Variants in ADPRM observed in about 807,000 individuals in gnomAD.
The protein encoded by ADPRM is ADP-ribose/CDP-alcohol diphosphatase, manganese dependent, also known as manganese-dependent ADP-ribose/CDP-alcohol diphosphatase.
Under a neutral mutation model 27.2 loss-of-function variants are expected in ADPRM, and 17 were observed. The observed-to-expected ratio is 0.63, with a 90% CI of 0.43 to 0.94. The LOEUF (loss-of-function observed/expected upper bound fraction) is 0.94. ADPRM is among the 40% of genes least tolerant of loss of function. The pLI, the probability that ADPRM is intolerant of heterozygous loss-of-function variation, is 0.00. For synonymous variants in ADPRM, 135 were observed against 145.3 expected (o/e 0.93, Z 0.51); for missense variants, 337 against 412.8 (o/e 0.82, Z 1.59).
At chr17:10,709,244 T>C (rs575662022) in intron 3 of ADPRM, among the ~76,000 whole-genome samples, 39 of 152,242 alleles carry the variant, frequency 2.6e-4, no homozygotes, top group African/African-American at 8.7e-4. Context: ...GGTTTGGAAA[T>C]AGAAGTTTCA....
intron 1 of ADPRM, among the ~76,000 whole-genome samples, chr17:10,701,909 C>T (rs1026929311): frequency 6.6e-6 from 1 of 152,180 alleles, no homozygotes; most frequent in Admixed American, 6.5e-5. Flanking sequence ...AGGCTAAACT[C>T]GCCAGGAGAG....
At chr17:10,699,119 T>TG (rs2074757657) in intron 1 of ADPRM, 1 of 152,162 alleles carries the variant, frequency 6.6e-6, no homozygotes, top group South Asian at 2.1e-4. Flanking sequence ...AAACAGTTCT[T>TG]GGGGCCAGAT....
chr17:10,697,667 G>C lies in ADPRM; in HGVS notation c.-18G>C, dbSNP rs914307402. 4 of 895,932 alleles carry C rather than the reference G, an allele frequency of 4.5e-6. No homozygotes were observed. The East Asian group carries it at 7.9e-5, about 18-fold the overall frequency. The allele number at this position is 895,932 out of a possible 1,614,324, so 55.5% of individuals were successfully genotyped here. On this transcript the variant is annotated splice_region_variant and 5_prime_UTR_variant, in exon 1 of 4. Transcript: ENST00000379774. Reference sequence around the variant, plus strand: ...CCTTTCAGCCCAGGGGCCGGCGCACGGTAGGTAGTTCCCTGCGGCTGGAGG... The same window carrying C: ...CCTTTCAGCCCAGGGGCCGGCGCACCGTAGGTAGTTCCCTGCGGCTGGAGG...
At chr17:10,699,782 T>G (rs1307516170) in intron 1 of ADPRM, among the ~76,000 whole-genome samples, 2 of 152,182 alleles carry the variant, frequency 1.3e-5, no homozygotes. Context: ...TCTGCCCGCC[T>G]CGGCCTCCCA....
intron 1 of ADPRM, among the ~76,000 whole-genome samples, chr17:10,704,000 G>A (rs2074796131): frequency 6.6e-6 from 1 of 152,082 alleles, no homozygotes; most frequent in Non-Finnish European, 1.5e-5. Context: ...GGTTTTGATT[G>A]TGGGGTAGCT....
chr17:10,708,909 G>A (rs1170354797), intron 3 of ADPRM, among the ~76,000 whole-genome samples: 1 of 152,172 alleles, frequency 6.6e-6, no homozygotes, highest in East Asian at 1.9e-4. Context: ...ATGTGATCCT[G>A]TGTTCTTCCC....
At chr17:10,699,526 T>C (rs1461458583) in intron 1 of ADPRM, among the ~76,000 whole-genome samples, 1 of 144,808 alleles carries the variant, frequency 6.9e-6, no homozygotes, top group Non-Finnish European at 1.5e-5. Context: ...TTCTTTTTTT[T>C]TTTTTTTTTT....
At chr17:10,708,455 T>G (rs2074829587) in intron 3 of ADPRM, among the ~76,000 whole-genome samples, 1 of 102,110 alleles carries the variant, frequency 9.8e-6, no homozygotes, top group East Asian at 3.1e-4. Flanking sequence ...AAAAAACCTT[T>G]GAAAATGATA....
In ADPRM at chr17:10,711,165, T is replaced by C. The variant is rs1430596521; in HGVS notation, c.*21T>C. On this transcript the variant is annotated 3_prime_UTR_variant, in exon 4 of 4. Coordinates refer to ENST00000379774, the MANE Select transcript of ADPRM (RefSeq NM_020233.5). The stretch of plus-strand genomic sequence containing the variant: ...GTTAGTCTAATTTATTTTAACTTGA[T>C]AGAAAATGAGCTTTGTGTTTGTCCC... 34 of 1,565,942 alleles carry C rather than the reference T, an allele frequency of 2.2e-5. No individual in the cohort carries two copies. The highest frequency in any genetic ancestry group is 2.9e-5 in the Non-Finnish European group (33 of 1,151,328).
intron 1 of ADPRM, among the ~76,000 whole-genome samples, chr17:10,700,232 C>G (rs2074767492): frequency 6.6e-6 from 1 of 152,230 alleles, no homozygotes; most frequent in Non-Finnish European, 1.5e-5. Flanking sequence ...AAATCATACT[C>G]TTTTCAGGGT....
At chr17:10,697,734 C>T (rs1345306658) in intron 1 of ADPRM, 67 bp downstream of exon 1, 5 of 620,408 alleles carry the variant, frequency 8.1e-6, no homozygotes, top group Non-Finnish European at 1.1e-5. Flanking sequence ...GGCCGCGGGA[C>T]AGCGGAGCGC....
In ADPRM at chr17:10,697,661, G is replaced by C. The variant is rs2074742765; in HGVS notation, c.-24G>C. ...CAGAGGCCTTTCAGCCCAGGGGCCG[G>C]CGCACGGTAGGTAGTTCCCTGCGGC... On this transcript the variant is annotated 5_prime_UTR_variant, in exon 1 of 4. Transcript: ENST00000379774. 5 of 939,860 alleles carry C rather than the reference G, an allele frequency of 5.3e-6. No homozygotes were observed. The highest frequency in any genetic ancestry group is 8.3e-6 in the Non-Finnish European group (5 of 605,092). The allele number at this position is 939,860 out of a possible 1,614,324, so 58.2% of individuals were successfully genotyped here.
intron 3 of ADPRM, 107 bp downstream of exon 3, chr17:10,706,661 A>G (rs2074814601): frequency 2.8e-6 from 2 of 705,982 alleles, no homozygotes; most frequent in Admixed American, 7.3e-5. Flanking sequence ...TTTCTATAAA[A>G]TGGACACTTA....
chr17:10,698,567 C>A (rs956768246), intron 1 of ADPRM, among the ~76,000 whole-genome samples: 4 of 152,096 alleles, frequency 2.6e-5, no homozygotes, highest in African/African-American at 9.7e-5. Context: ...CCCATGGGAC[C>A]GACTCTGAGT....
chr17:10,701,590 A>C (rs1425232320), intron 1 of ADPRM, among the ~76,000 whole-genome samples: 1 of 152,164 alleles, frequency 6.6e-6, no homozygotes, highest in Non-Finnish European at 1.5e-5. Flanking sequence ...TGGCCTCCCA[A>C]AGTGCTGGGA....
intron 3 of ADPRM, among the ~76,000 whole-genome samples, chr17:10,707,799 A>T (rs430491): frequency 0.5 from 75,737 of 152,050 alleles, 19,660 homozygotes; most frequent in African/African-American, 0.65. Context: ...GTATTTTCAT[A>T]TAGAATCATT....
intron 3 of ADPRM, among the ~76,000 whole-genome samples, chr17:10,710,536 T>TG (rs1355389029): frequency 6.6e-6 from 1 of 152,244 alleles, no homozygotes; most frequent in African/African-American, 2.4e-5. Context: ...AGGACACCCT[T>TG]GATCTTCCTC....
intron 3 of ADPRM, 64 bp downstream of exon 3, chr17:10,706,618 G>A: frequency 8.6e-7 from 1 of 1,162,474 alleles, no homozygotes; most frequent in Non-Finnish European, 1.2e-6. Flanking sequence ...AGGCGTTAAA[G>A]CATACTAACA....
intron 3 of ADPRM, 92 bp downstream of exon 3, chr17:10,706,646 T>C: frequency 3.5e-6 from 3 of 868,928 alleles, no homozygotes; most frequent in Non-Finnish European, 5.0e-6. Flanking sequence ...TGTTTCGATA[T>C]CCTCTTTCTA....
Sources: allele counts gnomAD v4.1 joint callset (sites outside exome capture counted in the v4.1 genomes callset), GRCh38; gene constraint gnomAD v4.1.1; transcripts MANE v1.5; gene names NCBI Gene and HGNC (gene_info 2026-07-23, HGNC 2026-07-21).